The following ZNF354B variants were observed in gnomAD, a reference collection of about 807,000 sequenced individuals.
ZNF354B encodes zinc finger protein 354B.
In ZNF354B, 10 loss-of-function variants were observed where a neutral mutation model predicts 12.9. That is an observed-to-expected ratio of 0.77 (90% CI 0.48 to 1.31). The LOEUF is 1.31. Among genes scored for constraint, ZNF354B ranks in the 40% most tolerant of loss-of-function variants. The pLI is 0.00. For synonymous variants in ZNF354B, 260 were observed against 243.7 expected (o/e 1.07, Z -0.62); for missense variants, 614 against 711.7 (o/e 0.86, Z 1.56).
intron 4 of ZNF354B, among the ~76,000 whole-genome samples, chr5:178,871,025 A>C (rs977081301): frequency 1.3e-5 from 2 of 152,130 alleles, no homozygotes; most frequent in African/African-American, 4.8e-5. Flanking sequence ...ACTCGTACAT[A>C]TGCCCTGCCC....
At chr5:178,866,872 C>G (rs11948690) in intron 3 of ZNF354B, 104 bp from the exon 4 acceptor site, 121,286 of 1,057,532 alleles carry the variant, frequency 0.11, 8,228 homozygotes, top group African/African-American at 0.25. Flanking sequence ...ATACATGCAA[C>G]ATTCCTTCTG....
At position 178,861,290 on chromosome 5, in the gene ZNF354B, A is replaced by G. The variant is rs576726926; in HGVS notation, c.33+210A>G. ...TTTTTAATTAACAGTTTGTTCACGA[A>G]TCTTCATCCATTGTGTGACTAGTTT... On this transcript the variant is annotated intron_variant, in intron 2 of 4. Transcript: ENST00000322434. 1.3e-3 allele frequency among the ~76,000 whole-genome samples: 194 copies of G among 151,422 alleles called. 1 individual carries two copies. Among genetic ancestry groups the G allele is most frequent in the African/African-American group, 4.5e-3 (184 of 41,094 alleles).
intron 4 of ZNF354B, among the ~76,000 whole-genome samples, chr5:178,879,993 G>GC (rs149733050): frequency 0.15 from 22,491 of 151,814 alleles, 2,039 homozygotes; most frequent in African/African-American, 0.25. Flanking sequence ...GGGCGTGGTG[G>GC]CATGTGCCTG....
intron 4 of ZNF354B, among the ~76,000 whole-genome samples, chr5:178,880,528 G>T (rs931663774): frequency 1.3e-4 from 20 of 149,312 alleles, no homozygotes; most frequent in Admixed American, 1.0e-3. Context: ...TAAAGACAGG[G>T]TCTCTTTGTC....
chr5:178,870,076 C>A (rs1433856386), intron 4 of ZNF354B, among the ~76,000 whole-genome samples: 1 of 147,234 alleles, frequency 6.8e-6, no homozygotes, highest in Admixed American at 6.7e-5. Flanking sequence ...CTTTGGGAGG[C>A]CAAGGTGGGA....
At chr5:178,882,299 C>T (rs1757729216) in intron 4 of ZNF354B, among the ~76,000 whole-genome samples, 1 of 152,136 alleles carries the variant, frequency 6.6e-6, no homozygotes, top group African/African-American at 2.4e-5. Flanking sequence ...GAGGAGTTAA[C>T]ATTTGAACTG....
At position 178,883,149 on chromosome 5, in the gene ZNF354B, C is replaced by T. The variant is rs1353461657; in HGVS notation, c.697C>T (p.Gln233Ter). 6.2e-7 allele frequency: 1 copy of T among 1,613,426 alleles called. No homozygotes were observed. The highest frequency in any genetic ancestry group is 1.7e-5 in the Admixed American group (1 of 59,924). The stretch of plus-strand genomic sequence containing the variant: ...TCACAATTCATCCCTTCGTAAACAT[C>T]AGAAAAACCACACTGGAGAAAAATT... ...FIHNSSLRKHQKNHTGEKLFK... is the reference protein window; with the variant it reads ...FIHNSSLRKH Residue 233 changes from glutamine to a stop codon, truncating the protein, a stop_gained, in exon 5 of 5, where the codon CAG becomes TAG. Transcript: ENST00000322434. LOFTEE classifies it low-confidence loss of function (END_TRUNC).
intron 4 of ZNF354B, among the ~76,000 whole-genome samples, chr5:178,876,596 C>T (rs1202852054): frequency 6.6e-6 from 1 of 152,210 alleles, no homozygotes; most frequent in Admixed American, 6.5e-5. Flanking sequence ...ACTTTTTCTT[C>T]CTTAGACTCA....
chr5:178,881,509 T>C (rs887226295), intron 4 of ZNF354B, among the ~76,000 whole-genome samples: 9 of 147,792 alleles, frequency 6.1e-5, no homozygotes, highest in Non-Finnish European at 1.2e-4. Flanking sequence ...TGATATACTT[T>C]AATGTCATTC....
At position 178,883,436 on chromosome 5, in the gene ZNF354B, C is replaced by T. The variant is rs768091363; in HGVS notation, c.984C>T (p.Tyr328=). Residue 328 remains tyrosine (Y), a synonymous_variant, in exon 5 of 5, where the codon TAC becomes TAT. Coordinates refer to ENST00000322434, the MANE Select transcript of ZNF354B (RefSeq NM_058230.3). ...KIHAQENPHK[Y]NPGRKASSYS... is the part of the protein sequence containing the mutation. Reference sequence around the variant, plus strand: ...ATGCTCAAGAAAATCCCCATAAATACAATCCAGGCAGGAAGGCATCCAGTT... The same window carrying T: ...ATGCTCAAGAAAATCCCCATAAATATAATCCAGGCAGGAAGGCATCCAGTT... 2.5e-6 allele frequency: 4 copies of T among 1,613,898 alleles called. No individual in the cohort carries two copies. The highest frequency in any genetic ancestry group is 3.4e-6 in the Non-Finnish European group (4 of 1,179,948).
chr5:178,880,219 T>TA (rs1339732964), intron 4 of ZNF354B, among the ~76,000 whole-genome samples: 43 of 151,842 alleles, frequency 2.8e-4, no homozygotes, highest in Non-Finnish European at 1.6e-4. Context: ...TTTTTTTTTT[T>TA]AGACGGGGTC....
chr5:178,866,360 G>T lies in ZNF354B; in HGVS notation c.150G>T (p.Leu50=), dbSNP rs199960897. The T allele has an allele frequency of 1.4e-5, 22 of 1,612,296 alleles. No individual in the cohort carries two copies. The South Asian group carries it at 1.7e-4, about 12-fold the overall frequency. Reference sequence around the variant, plus strand: ...TGATGCTGGAGAACTATAGGAACCTGGTCTCACTGGGTAAGGAAATTTCCC... The same window carrying T: ...TGATGCTGGAGAACTATAGGAACCTTGTCTCACTGGGTAAGGAAATTTCCC... The part of the protein sequence containing the change: ...RDVMLENYRN[L]VSLGLSFTKP... The change falls in exon 3 of 5, where the codon CTG becomes CTT. Residue 50 remains leucine, a synonymous_variant. Coordinates refer to ENST00000322434, the MANE Select transcript of ZNF354B (RefSeq NM_058230.3).
At chr5:178,876,995 G>C (rs924091689) in intron 4 of ZNF354B, among the ~76,000 whole-genome samples, 1 of 150,746 alleles carries the variant, frequency 6.6e-6, no homozygotes, top group South Asian at 2.1e-4. Flanking sequence ...AAGATTTGCT[G>C]GGTTTTGTTT....
At chr5:178,882,359 A>T (rs540423017) in intron 4 of ZNF354B, among the ~76,000 whole-genome samples, 27 of 152,204 alleles carry the variant, frequency 1.8e-4, no homozygotes, top group Non-Finnish European at 3.4e-4. Context: ...GAGGGAAGAC[A>T]TTCAGGAGTA....
chr5:178,876,961 G>A (rs563319866), intron 4 of ZNF354B, among the ~76,000 whole-genome samples: 10 of 147,098 alleles, frequency 6.8e-5, no homozygotes, highest in African/African-American at 2.0e-4. Context: ...GTTGCAACTC[G>A]GGATCAGATT....
rs1561671626 is a variant in ZNF354B at position 178,882,737 on chromosome 5, G to A, written c.285G>A (p.Lys95=). The A allele has an allele frequency of 6.4e-7, 1 of 1,570,528 alleles. No homozygotes were observed. Among genetic ancestry groups the A allele is most frequent in the Non-Finnish European group, 8.6e-7 (1 of 1,168,354 alleles). The change falls in exon 5 of 5, where the codon AAG becomes AAA. Residue 95 remains lysine, a synonymous_variant. Transcript: ENST00000322434. ...GTAAGAGCACACCTAAAATGACAAA[G>A]TCAACTCAAACTCAGGATTCATTTC... The part of the protein sequence containing the change: ...LGCKSTPKMT[K]STQTQDSFQE...
At chr5:178,875,979 A>G (rs1288950215) in intron 4 of ZNF354B, among the ~76,000 whole-genome samples, 2 of 152,108 alleles carry the variant, frequency 1.3e-5, no homozygotes, top group Non-Finnish European at 2.9e-5. Flanking sequence ...CCTGGTGAAG[A>G]GTTGGCTATG....
In ZNF354B at chr5:178,884,264, C is replaced by T. The variant is rs189588149; in HGVS notation, c.1812C>T (p.Asp604=). ...TNHYKIHIEE[D]SLKADLHV The stretch of plus-strand genomic sequence containing the variant: ...ATTATAAAATTCACATTGAAGAGGA[C>T]TCCTTAAAAGCCGATTTGCATGTGT... The change falls in exon 5 of 5, where the codon GAC becomes GAT. Residue 604 remains aspartate (D), a synonymous_variant. Coordinates refer to ENST00000322434, the MANE Select transcript of ZNF354B (RefSeq NM_058230.3). 8.1e-6 allele frequency: 13 copies of T among 1,597,950 alleles called. No homozygotes were observed. In the East Asian group the frequency reaches 2.0e-4, roughly 25 times the overall value.
chr5:178,878,364 C>G (rs191597527), intron 4 of ZNF354B, among the ~76,000 whole-genome samples: 1 of 148,122 alleles, frequency 6.8e-6, no homozygotes, highest in East Asian at 2.0e-4. Flanking sequence ...GCCTGGGCAA[C>G]AGAGCGAGAC....
Sources: allele counts gnomAD v4.1 joint callset (sites outside exome capture counted in the v4.1 genomes callset), GRCh38; gene constraint gnomAD v4.1.1; transcripts MANE v1.5; gene names NCBI Gene and HGNC (gene_info 2026-07-23, HGNC 2026-07-21).